Variants in DCP1B observed in about 807,000 individuals in gnomAD.
DCP1B encodes the protein decapping mRNA 1B, also known as mRNA-decapping enzyme 1B.
Under a neutral mutation model 60.5 loss-of-function variants are expected in DCP1B, and 47 were observed. The ratio of observed to expected loss-of-function variants is 0.78; its 90% CI spans 0.61 to 0.99. The LOEUF (loss-of-function observed/expected upper bound fraction) is 0.99, where lower values mean the gene tolerates loss of function less well. DCP1B is among the 50% of genes least tolerant of loss of function. The probability of loss-of-function intolerance (pLI) is 0.00; values close to 1 mark genes in which losing one functional copy is unlikely to be tolerated. For missense variants in DCP1B, 725 were observed against 756.8 expected (o/e 0.96, Z 0.49); for synonymous variants, 267 against 280.3 (o/e 0.95, Z 0.47).
At chr12:1,985,393 G>A (rs1405729409) in intron 3 of DCP1B, among the ~76,000 whole-genome samples, 1 of 151,988 alleles carries the variant, frequency 6.6e-6, no homozygotes, top group Non-Finnish European at 1.5e-5. Context: ...TCTGCATTTT[G>A]CTATTAAGAC....
At chr12:1,976,785 T>C (rs1175275012) in intron 3 of DCP1B, among the ~76,000 whole-genome samples, 1 of 139,144 alleles carries the variant, frequency 7.2e-6, no homozygotes, top group Non-Finnish European at 1.5e-5. Flanking sequence ...GTGCAAAGCA[T>C]AGACCCTCTA....
rs2031276151 is a variant in DCP1B at position 1,965,813 on chromosome 12, C to T, written c.387-120G>A. 3.2e-6 allele frequency: 4 copies of T among 1,253,728 alleles called. No individual in the cohort carries two copies. In the South Asian group the frequency reaches 7.5e-5, roughly 24 times the overall value. The allele number at this position is 1,253,728 out of a possible 1,614,324, so 77.7% of individuals were successfully genotyped here. A position where few individuals can be genotyped will look rare whatever the true frequency, so the allele number is the denominator to read the frequency against. ...CTGTTACAACCATATTAGAAATAAG[C>T]TTGCTTAGGAATTTAAAGGAGAAAA... On this transcript the variant is annotated intron_variant, in intron 4 of 8. Transcript: ENST00000280665.
intron 7 of DCP1B, among the ~76,000 whole-genome samples, chr12:1,951,375 T>G (rs1462030062): frequency 6.6e-6 from 1 of 152,232 alleles, no homozygotes. Flanking sequence ...CCAATGTACT[T>G]TCAATGAATG....
chr12:1,957,533 A>G (rs1468855460), intron 5 of DCP1B, among the ~76,000 whole-genome samples: 1 of 152,228 alleles, frequency 6.6e-6, no homozygotes, highest in African/African-American at 2.4e-5. Flanking sequence ...TATATCCAGA[A>G]AAGAGCCAAT....
Position 1,962,494 on chromosome 12 carries a change from T to G in DCP1B, c.522+3064A>C, listed in dbSNP as rs951014714. Among the ~76,000 whole-genome samples the G allele has an allele frequency of 6.6e-6, 1 of 152,216 alleles. No individual in the cohort carries two copies. Among genetic ancestry groups the G allele is most frequent in the African/African-American group, 2.4e-5 (1 of 41,454 alleles). ...ATTTTTTTCAATATTTGTATTTATT[T>G]ACCATTGTTACACTGTCTTCACAGA... On this transcript the variant is annotated intron_variant, in intron 5 of 8. Coordinates refer to ENST00000280665, the MANE Select transcript of DCP1B (RefSeq NM_152640.5). The surrounding 1 kb of genome is among the most constrained non-coding windows in gnomAD (Gnocchi z 4.4).
chr12:1,965,523 G>A (rs1055027442), intron 5 of DCP1B, 35 bp downstream of exon 5: 1 of 1,580,596 alleles, frequency 6.3e-7, no homozygotes, highest in Non-Finnish European at 8.6e-7. Context: ...CGGAACTGAA[G>A]TGTGTATGTA....
Position 1,952,994 on chromosome 12 carries a change from A to G in DCP1B, c.946T>C (p.Cys316Arg), listed in dbSNP as rs550654198. The G allele has an allele frequency of 1.9e-6, 3 of 1,614,104 alleles. No individual in the cohort carries two copies. Among genetic ancestry groups the G allele is most frequent in the Admixed American group, 3.3e-5 (2 of 60,012 alleles). ...GCAGAATGGGTACTGCCATTTTCAC[A>G]AGGCCGGTTTTCAGGCAGCTCTGAC... ...PLSELPENRP[C>R]ENGSTHSAGE... The change falls in exon 7 of 9, where the codon TGT becomes CGT. Residue 316 changes from cysteine to arginine, a missense_variant. Cys to Arg is a radical substitution (Grantham distance 180). Transcript: ENST00000280665.
At chr12:1,994,884 G>A (rs1169926188) in intron 2 of DCP1B, among the ~76,000 whole-genome samples, 6 of 152,062 alleles carry the variant, frequency 3.9e-5, no homozygotes, top group Admixed American at 3.9e-4. Flanking sequence ...ATCACTGCCA[G>A]CTCCATTCCC....
At chr12:1,969,146 C>T (rs910129642) in intron 3 of DCP1B, among the ~76,000 whole-genome samples, 6 of 152,136 alleles carry the variant, frequency 3.9e-5, no homozygotes, top group African/African-American at 1.2e-4. Flanking sequence ...TTTCTAAACA[C>T]GTAATTATAT....
intron 3 of DCP1B, among the ~76,000 whole-genome samples, chr12:1,969,723 G>A (rs2154457416): frequency 6.6e-6 from 1 of 152,170 alleles, no homozygotes; most frequent in Middle Eastern, 3.4e-3. Flanking sequence ...TCCCTACACA[G>A]ATTCCTACAC....
chr12:1,968,177 C>T (rs2031436142), intron 3 of DCP1B, among the ~76,000 whole-genome samples: 1 of 151,804 alleles, frequency 6.6e-6, no homozygotes, highest in African/African-American at 2.4e-5. Flanking sequence ...GGTGAAACCC[C>T]ATCTCTACTA....
intron 1 of DCP1B, among the ~76,000 whole-genome samples, chr12:2,002,208 C>T (rs143415866): frequency 1.8e-4 from 27 of 152,292 alleles, no homozygotes; most frequent in African/African-American, 6.3e-4. Context: ...CTTAAGATCC[C>T]CCCTGCCTTC....
At chr12:1,991,137 T>C (rs2039305243) in intron 3 of DCP1B, 1 of 456,264 alleles carries the variant, frequency 2.2e-6, no homozygotes, top group Non-Finnish European at 4.4e-6. Context: ...TTTGCATCCA[T>C]GTTTAATAGT....
At chr12:1,969,455 T>G (rs1220869765) in intron 3 of DCP1B, among the ~76,000 whole-genome samples, 1 of 151,686 alleles carries the variant, frequency 6.6e-6, no homozygotes, top group East Asian at 1.9e-4. Flanking sequence ...GGGGGGGAAG[T>G]AGGGGAAAAA....
chr12:1,965,093 G>A (rs933152890), intron 5 of DCP1B, among the ~76,000 whole-genome samples: 10 of 152,110 alleles, frequency 6.6e-5, no homozygotes, highest in Non-Finnish European at 1.2e-4. Flanking sequence ...AGAGCTTTAT[G>A]TTGAATCTTC....
At chr12:1,942,317 C>T (rs2030299566), downstream of DCP1B, among the ~76,000 whole-genome samples, 1 of 152,178 alleles carries the variant, frequency 6.6e-6, no homozygotes, top group East Asian at 1.9e-4. Context: ...TACAAAGAGA[C>T]TTAGACTCCT....
chr12:2,002,454 G>A (rs1454700750), intron 1 of DCP1B, among the ~76,000 whole-genome samples: 1 of 152,162 alleles, frequency 6.6e-6, no homozygotes, highest in Non-Finnish European at 1.5e-5. Context: ...CTGTCTGAAG[G>A]CAACATATCC....
At chr12:1,943,632 A>G (rs2030332273), downstream of DCP1B, among the ~76,000 whole-genome samples, 1 of 152,250 alleles carries the variant, frequency 6.6e-6, no homozygotes, top group Admixed American at 6.5e-5. Context: ...AGGCTGGTTC[A>G]ACATACACAA....
At chr12:1,964,572 T>A (rs1285505960) in intron 5 of DCP1B, among the ~76,000 whole-genome samples, 1 of 152,238 alleles carries the variant, frequency 6.6e-6, no homozygotes, top group East Asian at 1.9e-4. Context: ...CATTTAAATT[T>A]CTAATACATT....
Sources: gnomAD v4.1 joint callset for allele counts (sites outside exome capture counted in the v4.1 genomes callset) on GRCh38, gnomAD v4.1.1 for gene constraint, Gnocchi (gnomAD v3.1) non-coding constraint, MANE v1.5 for transcripts, NCBI Gene and HGNC (gene_info 2026-07-23, HGNC 2026-07-21) for gene names.